AFG2A: variants seen among roughly 807,000 people sequenced by gnomAD.
The protein encoded by AFG2A is AAA ATPase AFG2A, also known as ATPase family gene 2 protein homolog A.
At chr4:123,003,059 C>T in the AFG2A span, among the ~76,000 whole-genome samples, 1 of 152,166 alleles carries the variant, frequency 6.6e-6, no homozygotes, top group African/African-American at 2.4e-5. Flanking sequence ...TTCATCTCAT[C>T]TTCCATCACT....
At chr4:123,136,341 C>T in the AFG2A span, among the ~76,000 whole-genome samples, 1 of 150,310 alleles carries the variant, frequency 6.7e-6, no homozygotes, top group African/African-American at 2.4e-5. Flanking sequence ...TTAGACCAGC[C>T]GAACCAACAT....
the AFG2A span, among the ~76,000 whole-genome samples, chr4:123,196,291 G>A: frequency 4.1e-4 from 61 of 149,862 alleles, 1 homozygote; most frequent in East Asian, 6.1e-3. Context: ...TTACAGGTGT[G>A]AGCCACCGCG....
At chr4:122,925,540 C>T in the AFG2A span, among the ~76,000 whole-genome samples, 11 of 152,158 alleles carry the variant, frequency 7.2e-5, no homozygotes, top group African/African-American at 1.7e-4. Context: ...ATGCGCCATA[C>T]CCCCTTCTGC....
At chr4:122,939,085 T>TGGAGACAGAG in the AFG2A span, among the ~76,000 whole-genome samples, 2 of 123,298 alleles carry the variant, frequency 1.6e-5, no homozygotes, top group African/African-American at 7.5e-5. Context: ...CTTTTTTTTT[T>TGGAGACAGAG]TTTTTTTTTT....
At chr4:123,077,052 T>G in the AFG2A span, among the ~76,000 whole-genome samples, 14 of 147,890 alleles carry the variant, frequency 9.5e-5, no homozygotes, top group African/African-American at 2.2e-4. Context: ...TGTTGTTTTT[T>G]TTTTTTTTTT....
At chr4:123,273,666 A>T in the AFG2A span, among the ~76,000 whole-genome samples, 15 of 152,278 alleles carry the variant, frequency 9.9e-5, no homozygotes, top group East Asian at 2.9e-3. Context: ...CAAGTGGAAA[A>T]TTCCACACCT....
chr4:123,012,033 A>G, the AFG2A span, among the ~76,000 whole-genome samples: 157 of 46,198 alleles, frequency 3.4e-3, no homozygotes, highest in Middle Eastern at 0.057. Context: ...AGAAGGGGTG[A>G]GGGGTGCTTG....
At chr4:122,961,857 C>T in the AFG2A span, among the ~76,000 whole-genome samples, 181 of 152,252 alleles carry the variant, frequency 1.2e-3, 1 homozygote, top group Non-Finnish European at 2.1e-3. Context: ...TCGCTGTAGG[C>T]GTGTCATAGA....
At chr4:123,056,579 A>G in the AFG2A span, 1 of 505,620 alleles carries the variant, frequency 2.0e-6, no homozygotes, top group Non-Finnish European at 3.2e-6. Flanking sequence ...CTTCAGGTAA[A>G]TATTATTTTA....
At chr4:123,199,826 A>G in the AFG2A span, among the ~76,000 whole-genome samples, 9 of 152,292 alleles carry the variant, frequency 5.9e-5, no homozygotes, top group East Asian at 3.9e-4. Flanking sequence ...ATCCAGAGCT[A>G]TATACAGATT....
chr4:123,074,755 AT>A, the AFG2A span, among the ~76,000 whole-genome samples: 1 of 152,248 alleles, frequency 6.6e-6, no homozygotes, highest in Non-Finnish European at 1.5e-5. Context: ...ATTCACTAGG[AT>A]CTCTCCTCTT....
the AFG2A span, among the ~76,000 whole-genome samples, chr4:123,284,126 C>T: frequency 2.0e-5 from 3 of 152,080 alleles, no homozygotes; most frequent in Non-Finnish European, 2.9e-5. Flanking sequence ...CCTCTACTGC[C>T]TTTATATAGA....
the AFG2A span, among the ~76,000 whole-genome samples, chr4:123,163,197 A>G: frequency 1.3e-5 from 2 of 152,172 alleles, no homozygotes; most frequent in African/African-American, 2.4e-5. Context: ...GCACTTTGGG[A>G]GGCCGAGGCG....
the AFG2A span, among the ~76,000 whole-genome samples, chr4:123,141,947 G>A: frequency 6.6e-6 from 1 of 152,058 alleles, no homozygotes. Flanking sequence ...CCATTCCTTG[G>A]CAGTATTGTC....
At chr4:123,249,515 C>G in the AFG2A span, among the ~76,000 whole-genome samples, 1 of 152,044 alleles carries the variant, frequency 6.6e-6, no homozygotes, top group Non-Finnish European at 1.5e-5. Context: ...TTAAAATGAT[C>G]ACATTAGCCA....
At chr4:123,224,690 T>G in the AFG2A span, among the ~76,000 whole-genome samples, 5 of 152,330 alleles carry the variant, frequency 3.3e-5, no homozygotes, top group African/African-American at 1.2e-4. Context: ...TGTGTCTTTA[T>G]AGCAGCATGA....
the AFG2A span, among the ~76,000 whole-genome samples, chr4:123,021,257 GCTT>G: frequency 6.7e-6 from 1 of 149,370 alleles, no homozygotes; most frequent in South Asian, 2.1e-4. Flanking sequence ...GACTCTTTGA[GCTT>G]TTTTTTTTTC....
At chr4:122,933,441 A>G in the AFG2A span, 3 of 1,612,122 alleles carry the variant, frequency 1.9e-6, no homozygotes, top group Non-Finnish European at 2.5e-6. Flanking sequence ...TTTTACAGTG[A>G]CAAAGATATG....
chr4:123,231,859 G>T, the AFG2A span, among the ~76,000 whole-genome samples: 1 of 151,768 alleles, frequency 6.6e-6, no homozygotes, highest in Non-Finnish European at 1.5e-5. Context: ...ACAACCAGTT[G>T]GTGGAACAAT....
Sources: gnomAD v4.1 joint callset for allele counts (sites outside exome capture counted in the v4.1 genomes callset) on GRCh38, gnomAD v4.1.1 for gene constraint, MANE v1.5 for transcripts, NCBI Gene and HGNC (gene_info 2026-07-23, HGNC 2026-07-21) for gene names.